Variants in ITGB3 observed in about 807,000 individuals in gnomAD.
ITGB3 encodes integrin subunit beta 3, also known as integrin beta-3.
In ITGB3, 48 loss-of-function variants were observed where a neutral mutation model predicts 85.8. The observed-to-expected ratio is 0.56, with a 90% CI of 0.44 to 0.71. The LOEUF is 0.71. Ranked by LOEUF, ITGB3 falls within the 30% of genes least tolerant of loss-of-function variation. The probability of loss-of-function intolerance (pLI) is 0.00; values close to 1 mark genes in which losing one functional copy is unlikely to be tolerated. For missense variants in ITGB3, 861 were observed against 1,019.1 expected, an observed-to-expected ratio of 0.84 and a Z score of 2.11; for synonymous variants, 363 against 395.6, an observed-to-expected ratio of 0.92 and a Z score of 0.98.
At chr17:47,281,123 G>T (rs2065082435) in intron 2 of ITGB3, among the ~76,000 whole-genome samples, 1 of 152,164 alleles carries the variant, frequency 6.6e-6, no homozygotes, top group Admixed American at 6.5e-5. Flanking sequence ...CAGGCATATT[G>T]CAATAATCCA....
At chr17:47,282,693 A>G (rs1416400027) in intron 2 of ITGB3, among the ~76,000 whole-genome samples, 1 of 152,200 alleles carries the variant, frequency 6.6e-6, no homozygotes, top group Non-Finnish European at 1.5e-5. Flanking sequence ...CCCTGACTAC[A>G]TGGATCTCAC....
chr17:47,310,295 G>A lies in ITGB3; in HGVS notation c.*91G>A. On this transcript the variant is annotated 3_prime_UTR_variant, in exon 15 of 15. Transcript: ENST00000559488. ...GTTTACAGAGGACAGTATTTGTGGGGAGGGATTTGGGGCTCAGAGTGGGGT... is the reference window on the plus strand; with the variant it reads ...GTTTACAGAGGACAGTATTTGTGGGAAGGGATTTGGGGCTCAGAGTGGGGT... 1 of 1,304,670 alleles carries A rather than the reference G, an allele frequency of 7.7e-7. No individual in the cohort carries two copies. The allele number at this position is 1,304,670 out of a possible 1,614,324, so 80.8% of individuals were successfully genotyped here. A position where few individuals can be genotyped will look rare whatever the true frequency, so the allele number is the denominator to read the frequency against.
intron 1 of ITGB3, among the ~76,000 whole-genome samples, chr17:47,273,941 C>T (rs1726490728): frequency 6.6e-6 from 1 of 152,174 alleles, no homozygotes; most frequent in African/African-American, 2.4e-5. Flanking sequence ...GTCACCTCAC[C>T]CTCCACGCCC....
At chr17:47,288,206 A>AGAGAGAG (rs2065110684) in intron 6 of ITGB3, among the ~76,000 whole-genome samples, 50 of 134,828 alleles carry the variant, frequency 3.7e-4, no homozygotes, top group Non-Finnish European at 7.1e-4. Flanking sequence ...TTCTCTTAGA[A>AGAGAGAG]AGAGAGAGAG....
chr17:47,272,939 A>C (rs1421626248), intron 1 of ITGB3, among the ~76,000 whole-genome samples: 3 of 151,850 alleles, frequency 2.0e-5, no homozygotes, highest in Non-Finnish European at 4.4e-5. Flanking sequence ...ACGCCCGGCT[A>C]ATTTTTGTAT....
chr17:47,276,798 A>G (rs2065065535), intron 2 of ITGB3, among the ~76,000 whole-genome samples: 1 of 152,224 alleles, frequency 6.6e-6, no homozygotes, highest in African/African-American at 2.4e-5. Context: ...GGATAGGCCA[A>G]GTTTAACTGC....
chr17:47,258,839 A>G (rs181104584), intron 1 of ITGB3, among the ~76,000 whole-genome samples: 68 of 152,222 alleles, frequency 4.5e-4, no homozygotes, highest in Non-Finnish European at 7.9e-4. Context: ...TGTTTTACAA[A>G]ATGTCATATA....
intron 2 of ITGB3, 130 bp from the exon 3 acceptor site, chr17:47,283,224 C>G (rs933233887): frequency 1.1e-6 from 1 of 915,708 alleles, no homozygotes; most frequent in Admixed American, 2.0e-5. Flanking sequence ...CAGGAAAGAC[C>G]ACAACAATTT....
rs112290297 is a variant in ITGB3, at chr17:47,290,448, AGAAGGAAG to A, written c.1125+191_1125+198del. Among the ~76,000 whole-genome samples the A allele has an allele frequency of 8.7e-4, 129 of 149,042 alleles. No individual in the cohort carries two copies. In the East Asian group the frequency reaches 0.021, roughly 24 times the overall value. ...GCTCTAGAAGGGATGCAGCCTTCTG[AGAAGGAAG>A]GAAGGAAGGAAGGAAGAGAGAAAGA... On this transcript the variant is annotated intron_variant, in intron 8 of 14. Transcript: ENST00000559488.
chr17:47,275,046 G>C (rs1417311659), intron 2 of ITGB3, among the ~76,000 whole-genome samples: 1 of 152,170 alleles, frequency 6.6e-6, no homozygotes, highest in East Asian at 1.9e-4. Context: ...GTTGGGAGGG[G>C]TTGCTGGCTT....
At chr17:47,288,232 GA>G (rs2065111308) in intron 6 of ITGB3, among the ~76,000 whole-genome samples, 2 of 88,728 alleles carry the variant, frequency 2.3e-5, no homozygotes, top group South Asian at 3.7e-4. Context: ...GAGAGAGAGA[GA>G]GAGAGAGAAA....
chr17:47,288,499 T>C (rs1410924040), intron 6 of ITGB3, among the ~76,000 whole-genome samples: 1 of 152,202 alleles, frequency 6.6e-6, no homozygotes, highest in Non-Finnish European at 1.5e-5. Flanking sequence ...GTGTGAACTC[T>C]TCGTCTCCTA....
chr17:47,283,845 C>A (rs2065093098), intron 3 of ITGB3, among the ~76,000 whole-genome samples: 1 of 152,116 alleles, frequency 6.6e-6, no homozygotes, highest in Non-Finnish European at 1.5e-5. Context: ...TCTTCTTTAC[C>A]CAAGTGCCTG....
intron 1 of ITGB3, among the ~76,000 whole-genome samples, chr17:47,267,364 A>G (rs1484341650): frequency 6.6e-6 from 1 of 152,312 alleles, no homozygotes; most frequent in Admixed American, 6.5e-5. Flanking sequence ...AATGAGCAGG[A>G]ACATAGGCTT....
At chr17:47,263,710 G>A (rs2065016415) in intron 1 of ITGB3, among the ~76,000 whole-genome samples, 1 of 152,246 alleles carries the variant, frequency 6.6e-6, no homozygotes, top group African/African-American at 2.4e-5. Context: ...GGCTGGTCTT[G>A]AACTCCTGAC....
rs9894860 is a variant in ITGB3, at chr17:47,313,507, C to T, written c.*3303C>T. Among the ~76,000 whole-genome samples, 2 of 151,286 alleles carry T rather than the reference C, an allele frequency of 1.3e-5. No homozygotes were observed. Among genetic ancestry groups the T allele is most frequent in the South Asian group, 4.2e-4 (2 of 4,794 alleles). The stretch of plus-strand genomic sequence containing the variant: ...GATTACAGGCACCTGCCACCACGCC[C>T]GGCTAATTTCTTTTTGTATTTTTAG... On this transcript the variant is annotated 3_prime_UTR_variant, in exon 15 of 15. Transcript: ENST00000559488.
At chr17:47,295,467 A>G (rs2065142425) in intron 10 of ITGB3, among the ~76,000 whole-genome samples, 1 of 152,064 alleles carries the variant, frequency 6.6e-6, no homozygotes, top group Non-Finnish European at 1.5e-5. Context: ...ACCCGGACTC[A>G]GCCTCCCTTT....
In ITGB3 at chr17:47,290,195, A is replaced by C. The variant is rs377062987; in HGVS notation, c.1046A>C (p.Glu349Ala). ...TGTTTTCCTTTCTAGAACTATAGTG[A>C]GCTCATCCCAGGGACCACAGTTGGG... ...NVVNLYQNYS[E>A]LIPGTTVGVL... The change falls in exon 8 of 15, where the codon GAG becomes GCG. Residue 349 changes from glutamate to alanine, a missense_variant. Coordinates refer to ENST00000559488, the MANE Select transcript of ITGB3 (RefSeq NM_000212.3). 9.3e-6 allele frequency: 15 copies of C among 1,613,578 alleles called. No individual in the cohort carries two copies. The highest frequency in any genetic ancestry group is 1.3e-5 in the Non-Finnish European group (15 of 1,179,636).
At chr17:47,253,991 C>G (rs1163610318) in intron 1 of ITGB3, 51 bp downstream of exon 1, 12 of 1,230,578 alleles carry the variant, frequency 9.8e-6, no homozygotes, top group Non-Finnish European at 1.2e-5. Flanking sequence ...GGATCTGCGC[C>G]CCGGTCAAGT....
Sources: allele counts gnomAD v4.1 joint callset (sites outside exome capture counted in the v4.1 genomes callset), GRCh38; gene constraint gnomAD v4.1.1; transcripts MANE v1.5; gene names NCBI Gene and HGNC (gene_info 2026-07-23, HGNC 2026-07-21).